Variants in TTLL4 observed in about 807,000 individuals in gnomAD.
TTLL4 encodes tubulin tyrosine ligase like 4.
Under a neutral mutation model 122.7 loss-of-function variants are expected in TTLL4, and 85 were observed. The ratio of observed to expected loss-of-function variants is 0.69; its 90% CI spans 0.58 to 0.83. TTLL4 has a LOEUF of 0.83. Ranked by LOEUF, TTLL4 falls within the 40% of genes least tolerant of loss-of-function variation. TTLL4 has a pLI of 0.00. For synonymous variants in TTLL4, 553 were observed against 563.0 expected (o/e 0.98, Z 0.25); for missense variants, 1,363 against 1,488.6 (o/e 0.92, Z 1.39).
At chr2:218,748,712 T>A in intron 12 of TTLL4, 124 bp from the exon 13 acceptor site, 1 of 690,182 alleles carries the variant, frequency 1.4e-6, no homozygotes, top group Non-Finnish European at 2.4e-6. Flanking sequence ...ATCTCTTTCA[T>A]AATTTAAACT....
intron 2 of TTLL4, among the ~76,000 whole-genome samples, chr2:218,731,720 T>A (rs892426803): frequency 1.3e-5 from 2 of 152,224 alleles, no homozygotes; most frequent in Non-Finnish European, 2.9e-5. Flanking sequence ...TTCCTTTCTC[T>A]TGTCTTTCCC....
chr2:218,751,397 A>C (rs1057322614), intron 15 of TTLL4, among the ~76,000 whole-genome samples: 4 of 152,188 alleles, frequency 2.6e-5, no homozygotes, highest in Non-Finnish European at 4.4e-5. Flanking sequence ...GTATATAGTT[A>C]AGTGTTCACT....
At chr2:218,742,620 G>A (rs1433519408) in intron 5 of TTLL4, among the ~76,000 whole-genome samples, 8 of 152,208 alleles carry the variant, frequency 5.3e-5, no homozygotes, top group Admixed American at 5.2e-4. Flanking sequence ...AGAAGTTCAG[G>A]ATTCTTGTGA....
At chr2:218,740,239 G>GTAC in intron 4 of TTLL4, 72 bp downstream of exon 4, 1 of 1,425,430 alleles carries the variant, frequency 7.0e-7, no homozygotes, top group Non-Finnish European at 9.8e-7. Context: ...TGACAATTGT[G>GTAC]TACTAGGTCC....
At chr2:218,730,621 A>T (rs550646298) in intron 2 of TTLL4, among the ~76,000 whole-genome samples, 3 of 152,336 alleles carry the variant, frequency 2.0e-5, no homozygotes, top group Admixed American at 1.3e-4. Flanking sequence ...ATTAAGTATG[A>T]TGTTAGCTGT....
In TTLL4 at chr2:218,738,260, A is replaced by G. The variant is rs763141232; in HGVS notation, c.584A>G (p.Lys195Arg). 10 of 1,613,992 alleles carry G rather than the reference A, an allele frequency of 6.2e-6. No homozygotes were observed. Among genetic ancestry groups the G allele is most frequent in the Non-Finnish European group, 7.6e-6 (9 of 1,180,024 alleles). ...LAAAGENPSGKSLASAISGKI... is the reference protein window; with the variant it reads ...LAAAGENPSGRSLASAISGKI... Reference sequence around the variant, plus strand: ...GCGGCTGGGGAAAACCCTTCAGGGAAGAGCCTGGCCTCTGCCATCTCAGGG... The same window carrying G: ...GCGGCTGGGGAAAACCCTTCAGGGAGGAGCCTGGCCTCTGCCATCTCAGGG... Residue 195 changes from lysine to arginine, a missense_variant, in exon 3 of 20, where the codon AAG becomes AGG. Coordinates refer to ENST00000392102, the MANE Select transcript of TTLL4 (RefSeq NM_014640.5).
intron 4 of TTLL4, 149 bp downstream of exon 4, chr2:218,740,316 G>A: frequency 1.1e-6 from 1 of 898,070 alleles, no homozygotes; most frequent in African/African-American, 1.7e-5. Context: ...GCCTTCTAGA[G>A]GACTTGGGTC....
At chr2:218,746,279 C>G in intron 8 of TTLL4, 48 bp downstream of exon 8, 1 of 1,577,104 alleles carries the variant, frequency 6.3e-7, no homozygotes, top group Non-Finnish European at 8.7e-7. Context: ...TGGACTAGGC[C>G]AAGAGGAGGG....
In TTLL4 at chr2:218,747,702, A is replaced by G. The variant is rs1365857481; in HGVS notation, c.2355A>G (p.Gly785=). 14 of 1,614,074 alleles carry G rather than the reference A, an allele frequency of 8.7e-6. No homozygotes were observed. The highest frequency in any genetic ancestry group is 2.2e-5 in the East Asian group (1 of 44,894). The change falls in exon 11 of 20, where the codon GGA becomes GGG. Residue 785 remains glycine, a synonymous_variant. Coordinates refer to ENST00000392102, the MANE Select transcript of TTLL4 (RefSeq NM_014640.5). The surrounding 1 kb of genome is among the most constrained non-coding windows in gnomAD (Gnocchi z 4.7). The part of the protein sequence containing the change: ...DPLRIYLFSD[G]LVRFASCKYS... ...TGCGGATTTACCTCTTTTCAGATGGACTGGTCCGCTTTGCCAGTTGCAAGT... is the reference window on the plus strand; with the variant it reads ...TGCGGATTTACCTCTTTTCAGATGGGCTGGTCCGCTTTGCCAGTTGCAAGT...
chr2:218,735,537 G>A (rs976979488), intron 2 of TTLL4, among the ~76,000 whole-genome samples: 3 of 152,182 alleles, frequency 2.0e-5, no homozygotes, highest in African/African-American at 7.2e-5. Flanking sequence ...TTGTGCCACT[G>A]CATTCCAGTT....
At chr2:218,717,821 C>A in intron 1 of TTLL4, among the ~76,000 whole-genome samples, 1 of 149,736 alleles carries the variant, frequency 6.7e-6, no homozygotes. Flanking sequence ...TTTTTGGAGA[C>A]AGAGTCTTGC....
At chr2:218,758,826 T>C (rs74675512), downstream of TTLL4, among the ~76,000 whole-genome samples, 1,812 of 152,360 alleles carry the variant, frequency 0.012, 38 homozygotes, top group African/African-American at 0.041. Context: ...ATTCCACTCT[T>C]GCAGGCAAAT....
chr2:218,746,776 G>A, intron 8 of TTLL4: 1 of 560,362 alleles, frequency 1.8e-6, no homozygotes, highest in Non-Finnish European at 3.1e-6. Context: ...TGCACTTAAG[G>A]TGAATATCAC....
intron 3 of TTLL4, 82 bp from the exon 4 acceptor site, chr2:218,739,976 G>A: frequency 7.8e-7 from 1 of 1,283,042 alleles, no homozygotes; most frequent in Non-Finnish European, 1.1e-6. Context: ...GGCAAATACT[G>A]GGAGATGATG....
In TTLL4 at chr2:218,735,677, CT is replaced by C. The variant is rs1035349682; in HGVS notation, c.-98-1889del. ...CAGAATTATCCCAGACAAATGACTC[CT>C]TTTTTTTTTTTTGAGACAGAGTCTC... On this transcript the variant is annotated intron_variant, in intron 2 of 19. Coordinates refer to ENST00000392102, the MANE Select transcript of TTLL4 (RefSeq NM_014640.5). 1.8e-3 allele frequency among the ~76,000 whole-genome samples: 259 copies of C among 145,574 alleles called. 1 individual carries two copies. Among genetic ancestry groups the C allele is most frequent in the Admixed American group, 1.6e-3 (23 of 14,562 alleles).
Position 218,747,046 on chromosome 2 carries a change from G to A in TTLL4, c.2018G>A (p.Arg673Gln), listed in dbSNP as rs761696707. 5 of 1,614,186 alleles carry A rather than the reference G, an allele frequency of 3.1e-6. No homozygotes were observed. Among genetic ancestry groups the A allele is most frequent in the South Asian group, 2.2e-5 (2 of 91,084 alleles). Residue 673 changes from arginine (R) to glutamine (Q), a missense_variant, in exon 9 of 20, where the codon CGG (arginine) becomes CAG (glutamine). Physicochemically the swap from Arg to Gln is conservative, Grantham distance 43. Around this residue, in one of 3 missense-constraint regions of TTLL4, gnomAD observed 596 missense variants for 655.8 expected, o/e 0.91. Coordinates refer to ENST00000392102, the MANE Select transcript of TTLL4 (RefSeq NM_014640.5). This position sits in a 1 kb window ranked among gnomAD's most constrained non-coding sequence, Gnocchi z 4.7. ...TCATTCCAGATTGGGAGGAAGGACC[G>A]GCTATGGCGGAACCTGTCACGTATG... ...PGSFQIGRKD[R>Q]LWRNLSRMQS...
chr2:218,741,495 T>G (rs1554622), intron 5 of TTLL4, among the ~76,000 whole-genome samples: 81,037 of 152,026 alleles, frequency 0.53, 23,168 homozygotes, highest in African/African-American at 0.73. Context: ...TGTGAAATGT[T>G]ATGGTGTGGC....
At chr2:218,745,314 G>A (rs1266052161) in intron 6 of TTLL4, 81 bp downstream of exon 6, 5 of 1,577,282 alleles carry the variant, frequency 3.2e-6, no homozygotes, top group Non-Finnish European at 4.3e-6. Context: ...GTGGCAGTAG[G>A]TAGGAGAGGG....
At chr2:218,711,618 G>T (rs544274818) in intron 1 of TTLL4, among the ~76,000 whole-genome samples, 1 of 152,270 alleles carries the variant, frequency 6.6e-6, no homozygotes, top group East Asian at 1.9e-4. Flanking sequence ...CAATGGGAGG[G>T]ATTGAGGGGA....
Sources: gnomAD v4.1 joint callset for allele counts (sites outside exome capture counted in the v4.1 genomes callset) on GRCh38, gnomAD v4.1.1 for gene constraint, gnomAD v4.1.1 regional missense constraint, Gnocchi (gnomAD v3.1) non-coding constraint, MANE v1.5 for transcripts, NCBI Gene and HGNC (gene_info 2026-07-23, HGNC 2026-07-21) for gene names.